UBAP2L: variants seen among roughly 807,000 people sequenced by gnomAD.
The protein encoded by UBAP2L is ubiquitin associated protein 2 like.
UBAP2L carries 12 observed loss-of-function variants against 130.6 expected under a neutral mutation model. The ratio of observed to expected loss-of-function variants is 0.09; its 90% confidence interval spans 0.06 to 0.15. The LOEUF (loss-of-function observed/expected upper bound fraction) is 0.15. Among genes scored for constraint, UBAP2L ranks in the 10% least tolerant of loss-of-function variants. UBAP2L has a pLI of 1.00. For missense variants in UBAP2L, 965 were observed against 1,332.5 expected (o/e 0.72, Z 4.29); for synonymous variants, 503 against 524.7 (o/e 0.96, Z 0.57).
intron 2 of UBAP2L, among the ~76,000 whole-genome samples, 183 bp from the exon 3 acceptor site, chr1:154,227,098 AG>A (rs1668197196): frequency 6.6e-6 from 1 of 152,254 alleles, no homozygotes; most frequent in Non-Finnish European, 1.5e-5. Context: ...GTGGAATTAC[AG>A]GCGTGAGCCA....
intron 12 of UBAP2L, among the ~76,000 whole-genome samples, chr1:154,250,651 C>T (rs1282705291): frequency 3.9e-5 from 6 of 151,998 alleles, no homozygotes; most frequent in Admixed American, 6.6e-5. Flanking sequence ...GTCAGGAGTT[C>T]GAGACCAGCC....
intron 8 of UBAP2L, among the ~76,000 whole-genome samples, chr1:154,240,126 T>C (rs1035111001): frequency 1.3e-5 from 2 of 152,182 alleles, no homozygotes; most frequent in African/African-American, 4.8e-5. Context: ...TTCATTCTTA[T>C]AAGCTTTTTT....
At chr1:154,258,485 A>ACC (rs1680422989) in intron 20 of UBAP2L, 1 of 152,574 alleles carries the variant, frequency 6.6e-6, no homozygotes, top group Non-Finnish European at 1.5e-5. Context: ...TTTAGAAGAT[A>ACC]CCTGTTCCTG....
chr1:154,225,005 G>T, intron 1 of UBAP2L, 79 bp from the exon 2 acceptor site: 1 of 781,954 alleles, frequency 1.3e-6, no homozygotes, highest in Non-Finnish European at 2.1e-6. Context: ...GAAAGTGTTT[G>T]GTGGTGAAGG....
intron 8 of UBAP2L, among the ~76,000 whole-genome samples, chr1:154,237,933 G>A (rs1672215802): frequency 6.6e-6 from 1 of 152,140 alleles, no homozygotes; most frequent in African/African-American, 2.4e-5. Context: ...AGAAAACTCT[G>A]GAGTGCTTTC....
chr1:154,270,477 G>A lies in UBAP2L; in HGVS notation c.*182G>A, dbSNP rs1346280829. 1 of 1,490,460 alleles carries A rather than the reference G, an allele frequency of 6.7e-7. No homozygotes were observed. Among genetic ancestry groups the A allele is most frequent in the Non-Finnish European group, 8.9e-7 (1 of 1,126,080 alleles). The allele number at this position is 1,490,460 out of a possible 1,614,324, so 92.3% of individuals were successfully genotyped here. A position where few individuals can be genotyped will look rare whatever the true frequency, so the allele number is the denominator to read the frequency against. On this transcript the variant is annotated 3_prime_UTR_variant, in exon 27 of 27. Coordinates refer to ENST00000428931, the MANE Select transcript of UBAP2L (RefSeq NM_014847.4). ...CTATACCATCCCCACCCTGTTGTAT[G>A]TATTATAGGATTTGTATTTTCTCCT...
At chr1:154,228,168 A>G (rs892082560) in intron 3 of UBAP2L, among the ~76,000 whole-genome samples, 1 of 149,924 alleles carries the variant, frequency 6.7e-6, no homozygotes, top group South Asian at 2.1e-4. Flanking sequence ...ATTCTACATC[A>G]TTTTTCTTTC....
intron 24 of UBAP2L, among the ~76,000 whole-genome samples, chr1:154,266,031 A>G (rs1266570735): frequency 1.3e-5 from 2 of 152,164 alleles, no homozygotes; most frequent in Non-Finnish European, 2.9e-5. Context: ...CTCCTCTAGT[A>G]CTTATGCAGT....
At chr1:154,221,294 G>A (rs1438309374) in intron 1 of UBAP2L, 1 of 153,138 alleles carries the variant, frequency 6.5e-6, no homozygotes, top group Non-Finnish European at 1.5e-5. Flanking sequence ...CGTGGCCGGG[G>A]CGGGGCTTGG....
At chr1:154,250,991 T>C (rs1399259458) in intron 12 of UBAP2L, 50 bp from the exon 13 acceptor site, 1 of 1,554,476 alleles carries the variant, frequency 6.4e-7, no homozygotes, top group East Asian at 2.3e-5. Context: ...TAGCATTTCC[T>C]TGAGATTCAT....
chr1:154,258,878 T>G, intron 20 of UBAP2L, 99 bp from the exon 21 acceptor site: 21 of 954,124 alleles, frequency 2.2e-5, no homozygotes, highest in Non-Finnish European at 3.2e-5. Context: ...TAACCCAGAA[T>G]GAGGATGAAT....
chr1:154,228,606 C>A lies in UBAP2L; in HGVS notation c.169-9C>A. Reference sequence around the variant, plus strand: ...CTGTTCATGATGGTTGCTGTTTTTTCTCTTTCAGTTGATTGATATTACAGG... The same window carrying A: ...CTGTTCATGATGGTTGCTGTTTTTTATCTTTCAGTTGATTGATATTACAGG... On this transcript the variant is annotated splice_polypyrimidine_tract_variant and intron_variant, in intron 3 of 26. Coordinates refer to ENST00000428931, the MANE Select transcript of UBAP2L (RefSeq NM_014847.4). 6.2e-7 allele frequency: 1 copy of A among 1,607,958 alleles called. No individual in the cohort carries two copies. The highest frequency in any genetic ancestry group is 8.5e-7 in the Non-Finnish European group (1 of 1,175,520).
chr1:154,250,125 G>A (rs1003328933), intron 12 of UBAP2L, among the ~76,000 whole-genome samples: 6 of 152,130 alleles, frequency 3.9e-5, no homozygotes, highest in Non-Finnish European at 8.8e-5. Context: ...GAGTACAGTG[G>A]CACTATCTTG....
intron 17 of UBAP2L, 81 bp downstream of exon 17, chr1:154,255,407 G>A (rs886473058): frequency 1.3e-6 from 2 of 1,534,956 alleles, no homozygotes; most frequent in African/African-American, 2.7e-5. Context: ...CCCTTGACCT[G>A]GCAGAGACCA....
chr1:154,224,390 A>G (rs1667295950), intron 1 of UBAP2L, among the ~76,000 whole-genome samples: 1 of 152,188 alleles, frequency 6.6e-6, no homozygotes, highest in South Asian at 2.1e-4. Flanking sequence ...CTGTAAAAGC[A>G]GTGTGTTGGA....
chr1:154,264,344 G>A (rs142048100), intron 24 of UBAP2L, among the ~76,000 whole-genome samples: 4 of 152,262 alleles, frequency 2.6e-5, no homozygotes, highest in Non-Finnish European at 4.4e-5. Context: ...TGCTGCCCAC[G>A]TGATTCTGGT....
rs1571677507 is a variant in UBAP2L at position 154,234,511 on chromosome 1, A to G, written c.280-80A>G. The G allele has an allele frequency of 3.3e-6, 5 of 1,493,360 alleles. No individual in the cohort carries two copies. In the African/African-American group the frequency reaches 4.3e-5, roughly 13 times the overall value. The allele number at this position is 1,493,360 out of a possible 1,614,324, so 92.5% of individuals were successfully genotyped here. A position where few individuals can be genotyped will look rare whatever the true frequency, so the allele number is the denominator to read the frequency against. ...TGCTGAGTGGAGAATGGTTAAGTCA[A>G]TCAGTCATCCCAGCTTTCATCTCTA... is the stretch of plus-strand genomic sequence containing the variant. On this transcript the variant is annotated intron_variant, in intron 4 of 26. Coordinates refer to ENST00000428931, the MANE Select transcript of UBAP2L (RefSeq NM_014847.4).
rs1553272369 is a variant in UBAP2L, at chr1:154,249,878, A to AAG, written c.1213+442_1213+443insGA. ...CTAGCTTTCCGCAAAAAAAAAAAAA[A>AAG]AAAGAAAAATTTTTAACCATATACA... On this transcript the variant is annotated intron_variant, in intron 12 of 26. Transcript: ENST00000428931. Among the ~76,000 whole-genome samples, 174 of 149,530 alleles carry AAG rather than the reference A, an allele frequency of 1.2e-3. 1 individual carries two copies. The highest frequency in any genetic ancestry group is 2.1e-3 in the Admixed American group (32 of 15,028).
At chr1:154,221,635 T>C (rs956414282) in intron 1 of UBAP2L, among the ~76,000 whole-genome samples, 2 of 152,316 alleles carry the variant, frequency 1.3e-5, no homozygotes, top group Middle Eastern at 3.4e-3. Flanking sequence ...GCTCTCGATG[T>C]GGCGCTGAGG....
Sources: allele counts gnomAD v4.1 joint callset (sites outside exome capture counted in the v4.1 genomes callset), GRCh38; gene constraint gnomAD v4.1.1; transcripts MANE v1.5; gene names NCBI Gene and HGNC (gene_info 2026-07-23, HGNC 2026-07-21).